GEMIN5: variants seen among roughly 807,000 people sequenced by gnomAD.
GEMIN5 encodes gem-associated protein 5.
In GEMIN5, 124 loss-of-function variants were observed where a neutral mutation model predicts 176.9. The ratio of observed to expected loss-of-function variants is 0.70; its 90% CI spans 0.61 to 0.81. The LOEUF is 0.81. GEMIN5 is among the 40% of genes least tolerant of loss of function. The pLI, the probability that GEMIN5 is intolerant of heterozygous loss-of-function variation, is 0.00. For missense variants in GEMIN5, 1,843 were observed against 1,814.6 expected, an observed-to-expected ratio of 1.02 and a Z score of -0.28; for synonymous variants, 673 against 665.2, an observed-to-expected ratio of 1.01 and a Z score of -0.18.
chr5:154,915,979 A>C (rs1242450804), intron 13 of GEMIN5, among the ~76,000 whole-genome samples: 1 of 152,190 alleles, frequency 6.6e-6, no homozygotes, highest in East Asian at 1.9e-4. Context: ...AAATAATTTG[A>C]ATGTCATTTA....
At position 154,935,929 on chromosome 5, in the gene GEMIN5, T is replaced by C. The variant is rs1764259346; in HGVS notation, c.421A>G (p.Arg141Gly). ...ATAAAGAGGTGCTGGCTGTCATTTC[T>C]GTTAAACCAGTAACAGAAAACTACT... The part of the protein sequence containing the change: ...KGVVFCYWFN[R>G]NDSQHLFIEP... The change falls in exon 3 of 28, where the codon AGA (arginine) becomes GGA (glycine). Residue 141 changes from arginine (R) to glycine (G), a missense_variant. Coordinates refer to ENST00000285873, the MANE Select transcript of GEMIN5 (RefSeq NM_015465.5). 5.6e-6 allele frequency: 9 copies of C among 1,612,778 alleles called. No homozygotes were observed. Among genetic ancestry groups the C allele is most frequent in the Non-Finnish European group, 7.6e-6 (9 of 1,178,866 alleles).
chr5:154,934,319 T>C (rs943540280), intron 3 of GEMIN5, among the ~76,000 whole-genome samples: 26 of 152,184 alleles, frequency 1.7e-4, no homozygotes, highest in African/African-American at 5.3e-4. Flanking sequence ...CCCTAGTAGC[T>C]GGGATTACAG....
rs1185516367 is a variant in GEMIN5 at position 154,908,171 on chromosome 5, CCTTTTTTTTTTTTT to C, written c.2168-367_2168-354del. Among the ~76,000 whole-genome samples, 20 of 88,696 alleles carry C rather than the reference CCTTTTTTTTTTTTT, an allele frequency of 2.3e-4. 1 individual carries two copies. Among genetic ancestry groups the C allele is most frequent in the East Asian group, 2.2e-3 (3 of 1,340 alleles). 58.2% of individuals were successfully genotyped at this position (88,696 alleles called of 152,430 possible). ...AGTTCTGCCAATTTTACCCAGATGTCCTTTTTTTTTTTTTTTTTTTTTTTTTTGGAGATGGTTTC... is the reference window on the plus strand; with the variant it reads ...AGTTCTGCCAATTTTACCCAGATGTCTTTTTTTTTTTTTGGAGATGGTTTC... On this transcript the variant is annotated intron_variant, in intron 15 of 27. Transcript: ENST00000285873.
At chr5:154,905,945 C>A (rs1363090498) in intron 16 of GEMIN5, among the ~76,000 whole-genome samples, 1 of 152,084 alleles carries the variant, frequency 6.6e-6, no homozygotes, top group African/African-American at 2.4e-5. Flanking sequence ...CCTGCCTCAG[C>A]CTCCCAAACT....
rs555955780 is a variant in GEMIN5 at position 154,913,251 on chromosome 5, C to T, written c.1856-213G>A. 5.3e-5 allele frequency among the ~76,000 whole-genome samples: 8 copies of T among 152,104 alleles called. No individual in the cohort carries two copies. The East Asian group carries it at 1.5e-3, about 29-fold the overall frequency. On this transcript the variant is annotated intron_variant, in intron 13 of 27. Coordinates refer to ENST00000285873, the MANE Select transcript of GEMIN5 (RefSeq NM_015465.5). Reference sequence around the variant, plus strand: ...CGCAATCTCGGCTCACTGCAACCTCCGCCTCCTGGGTTCAAGCGATTCTCC... The same window carrying T: ...CGCAATCTCGGCTCACTGCAACCTCTGCCTCCTGGGTTCAAGCGATTCTCC...
intron 9 of GEMIN5, among the ~76,000 whole-genome samples, chr5:154,923,734 T>C (rs1763972578): frequency 6.6e-6 from 1 of 152,252 alleles, no homozygotes; most frequent in South Asian, 2.1e-4. Flanking sequence ...TAGAACAGTG[T>C]TGTTCAATAA....
chr5:154,931,646 G>A lies in GEMIN5; in HGVS notation c.662-69C>T, dbSNP rs562283997. ...CGCACTAATATAAAAAAATTAGTTT[G>A]CAAGAGTTTCCAAAACTTAGCTATC... On this transcript the variant is annotated intron_variant, in intron 4 of 27. Coordinates refer to ENST00000285873, the MANE Select transcript of GEMIN5 (RefSeq NM_015465.5). 18 of 1,363,254 alleles carry A rather than the reference G, an allele frequency of 1.3e-5. No homozygotes were observed. The South Asian group carries it at 2.1e-4, about 16-fold the overall frequency. The allele number at this position is 1,363,254 out of a possible 1,614,324, so 84.4% of individuals were successfully genotyped here.
In GEMIN5 at chr5:154,905,375, T is replaced by C. The variant is rs749269930; in HGVS notation, c.2497A>G (p.Lys833Glu). 3.2e-6 allele frequency: 5 copies of C among 1,580,710 alleles called. No homozygotes were observed. The African/African-American group carries it at 5.4e-5, about 17-fold the overall frequency. Residue 833 changes from lysine (K) to glutamate (E), a missense_variant, in exon 17 of 28, where the codon AAA becomes GAA. Lys to Glu is a moderately conservative substitution (Grantham distance 56). Coordinates refer to ENST00000285873, the MANE Select transcript of GEMIN5 (RefSeq NM_015465.5). ...KVILLKKEPP[K>E]EKPETLIKKR... ...ACTAGATACCAACCTGGCTTCTCTT[T>C]TGGTGGCTCCTTTTTCAGTAAAATG...
chr5:154,918,873 G>A (rs997133116), intron 11 of GEMIN5, among the ~76,000 whole-genome samples: 34 of 149,496 alleles, frequency 2.3e-4, no homozygotes, highest in Non-Finnish European at 4.6e-4. Context: ...GTGAAACCCT[G>A]TCTCTACTAA....
chr5:154,911,400 C>A (rs1384143275), intron 15 of GEMIN5, among the ~76,000 whole-genome samples: 1 of 152,146 alleles, frequency 6.6e-6, no homozygotes, highest in Non-Finnish European at 1.5e-5. Flanking sequence ...GTAGTCCCAG[C>A]TACTAGGGAG....
rs1763145525 is a variant in GEMIN5, at chr5:154,888,047, T to G, written c.*163A>C. 1 of 649,498 alleles carries G rather than the reference T, an allele frequency of 1.5e-6. No homozygotes were observed. Among genetic ancestry groups the G allele is most frequent in the Admixed American group, 2.9e-5 (1 of 34,740 alleles). The allele number at this position is 649,498 out of a possible 1,614,324, so 40.2% of individuals were successfully genotyped here. A position where few individuals can be genotyped will look rare whatever the true frequency, so the allele number is the denominator to read the frequency against. ...GTCTAAAGTCAGATCCACCGTTGTC[T>G]ATGGGTAGGCAGGGTTGATTCAAAC... On this transcript the variant is annotated 3_prime_UTR_variant, in exon 28 of 28. Transcript: ENST00000285873.
chr5:154,901,340 T>A lies in GEMIN5; in HGVS notation c.3013A>T (p.Arg1005Trp). ...VELLKSNHFYREAIAIAKARL... is the reference protein window; with the variant it reads ...VELLKSNHFYWEAIAIAKARL... Reference sequence around the variant, plus strand: ...TCCCAACTCTAGGACCACACAGACCTGTAAAAATGGTTTGACTTGAGCAGC... The same window carrying A: ...TCCCAACTCTAGGACCACACAGACCAGTAAAAATGGTTTGACTTGAGCAGC... Residue 1005 changes from arginine to tryptophan, a missense_variant and splice_region_variant, in exon 21 of 28, where the codon AGG (arginine) becomes TGG (tryptophan). Coordinates refer to ENST00000285873, the MANE Select transcript of GEMIN5 (RefSeq NM_015465.5). 2 of 1,613,214 alleles carry A rather than the reference T, an allele frequency of 1.2e-6. No homozygotes were observed. The highest frequency in any genetic ancestry group is 1.7e-6 in the Non-Finnish European group (2 of 1,179,336).
chr5:154,907,999 A>T (rs1273872879), intron 15 of GEMIN5, among the ~76,000 whole-genome samples, 181 bp from the exon 16 acceptor site: 1 of 152,086 alleles, frequency 6.6e-6, no homozygotes, highest in Non-Finnish European at 1.5e-5. Flanking sequence ...AATTTCATTA[A>T]ATCATAAACA....
intron 4 of GEMIN5, 45 bp from the exon 5 acceptor site, chr5:154,931,622 G>T (rs776037244): frequency 4.7e-6 from 7 of 1,501,280 alleles, no homozygotes; most frequent in East Asian, 4.6e-5. Context: ...CATTAAACAC[G>T]CACTAATATA....
In GEMIN5 at chr5:154,896,359, A is replaced by G. The variant is rs753686973; in HGVS notation, c.3346-16T>C. The G allele has an allele frequency of 6.5e-7, 1 of 1,548,928 alleles. No homozygotes were observed. Among genetic ancestry groups the G allele is most frequent in the South Asian group, 1.3e-5 (1 of 79,532 alleles). On this transcript the variant is annotated splice_polypyrimidine_tract_variant and intron_variant, in intron 23 of 27. Transcript: ENST00000285873. Reference sequence around the variant, plus strand: ...ATCTCTGACCCTGGAACACGACAACAAGGAAGAGGAACTGTTATACAGGGA... The same window carrying G: ...ATCTCTGACCCTGGAACACGACAACGAGGAAGAGGAACTGTTATACAGGGA...
At chr5:154,896,705 T>G (rs1763359381) in intron 23 of GEMIN5, among the ~76,000 whole-genome samples, 1 of 152,218 alleles carries the variant, frequency 6.6e-6, no homozygotes, top group Admixed American at 6.5e-5. Context: ...TCTTTCTCCC[T>G]GACCAAACTT....
At chr5:154,932,078 T>G in intron 4 of GEMIN5, 21 bp downstream of exon 4, 1 of 1,585,516 alleles carries the variant, frequency 6.3e-7, no homozygotes, top group Non-Finnish European at 8.6e-7. Flanking sequence ...TGGACTTAAC[T>G]TTCCCTTAAA....
chr5:154,912,333 G>A (rs1362419158), intron 14 of GEMIN5, among the ~76,000 whole-genome samples: 1 of 152,078 alleles, frequency 6.6e-6, no homozygotes, highest in Non-Finnish European at 1.5e-5. Context: ...GAATTATTCT[G>A]AACTCAGTTT....
Position 154,901,503 on chromosome 5 carries a change from T to C in GEMIN5, c.2867-17A>G. On this transcript the variant is annotated splice_polypyrimidine_tract_variant and intron_variant, in intron 20 of 27. Coordinates refer to ENST00000285873, the MANE Select transcript of GEMIN5 (RefSeq NM_015465.5). ...GGTAGCCAGCTGAAAAAATAAAAGA[T>C]GGTGGTTAAAAAAACAGTTGAAGAA... The C allele has an allele frequency of 5.6e-6, 9 of 1,611,668 alleles. No individual in the cohort carries two copies. Among genetic ancestry groups the C allele is most frequent in the Non-Finnish European group, 7.6e-6 (9 of 1,179,012 alleles).
Sources: gnomAD v4.1 joint callset for allele counts (sites outside exome capture counted in the v4.1 genomes callset) on GRCh38, gnomAD v4.1.1 for gene constraint, MANE v1.5 for transcripts, NCBI Gene and HGNC (gene_info 2026-07-23, HGNC 2026-07-21) for gene names.